The following POLR3A variants were observed in gnomAD, a reference collection of about 807,000 sequenced individuals.
The protein encoded by POLR3A is RNA polymerase III subunit A, also known as DNA-directed RNA polymerase III subunit RPC1.
POLR3A carries 112 observed loss-of-function variants against 152.8 expected under a neutral mutation model. That is an observed-to-expected ratio of 0.73 (90% confidence interval 0.63 to 0.86). POLR3A has a LOEUF of 0.86. Ranked by LOEUF, POLR3A falls within the 40% of genes least tolerant of loss-of-function variation. The pLI is 0.00. For synonymous variants in POLR3A, 615 were observed against 652.1 expected, an observed-to-expected ratio of 0.94 and a Z score of 0.87; for missense variants, 1,385 against 1,743.1, an observed-to-expected ratio of 0.79 and a Z score of 3.66.
At chr10:78,001,658 G>T (rs537658679) in intron 17 of POLR3A, among the ~76,000 whole-genome samples, 1 of 152,244 alleles carries the variant, frequency 6.6e-6, no homozygotes, top group East Asian at 1.9e-4. Context: ...CAAAATAGAA[G>T]AATTATGCCA....
At chr10:77,980,915 C>G (rs1400844512) in intron 29 of POLR3A, among the ~76,000 whole-genome samples, 1 of 152,056 alleles carries the variant, frequency 6.6e-6, no homozygotes, top group Non-Finnish European at 1.5e-5. Context: ...CTTATGAAAA[C>G]CTGCTGCCCT....
chr10:78,009,846 C>T lies in POLR3A; in HGVS notation c.1770+18G>A. On this transcript the variant is annotated intron_variant, in intron 13 of 30. Coordinates refer to ENST00000372371, the MANE Select transcript of POLR3A (RefSeq NM_007055.4). Reference sequence around the variant, plus strand: ...ACATACACACACCTGTGCACCAACACACAACTCCCACACACACCTTTAGGA... The same window carrying T: ...ACATACACACACCTGTGCACCAACATACAACTCCCACACACACCTTTAGGA... 1 of 1,613,920 alleles carries T rather than the reference C, an allele frequency of 6.2e-7. No homozygotes were observed.
Position 78,012,376 on chromosome 10 carries a change from C to CA in POLR3A, c.1572+1273dup, listed in dbSNP as rs1222192948. ...TAAAACTCCGTCTCAAACAAACAAA[C>CA]AAAAAAAAAAAGAAAAAGAAAAAGA... On this transcript the variant is annotated intron_variant, in intron 11 of 30. Transcript: ENST00000372371. Among the ~76,000 whole-genome samples, 596 of 116,272 alleles carry CA rather than the reference C, an allele frequency of 5.1e-3. 4 individuals carry two copies. The highest frequency in any genetic ancestry group is 0.013 in the African/African-American group (417 of 31,496). The allele number at this position is 116,272 out of a possible 152,430, so 76.3% of individuals were successfully genotyped here.
At chr10:77,979,577 CATGGTGCAGAGCAAGGCT>C (rs1320731056) in intron 30 of POLR3A, among the ~76,000 whole-genome samples, 1 of 152,200 alleles carries the variant, frequency 6.6e-6, no homozygotes, top group Non-Finnish European at 1.5e-5. Context: ...GGGGATGAGG[CATGGTGCAGAGCAAGGCT>C]CTGCTGGTGG....
At chr10:78,001,646 T>A (rs1331038837) in intron 17 of POLR3A, among the ~76,000 whole-genome samples, 1 of 152,212 alleles carries the variant, frequency 6.6e-6, no homozygotes, top group Non-Finnish European at 1.5e-5. Flanking sequence ...CCTCGGTATC[T>A]ACAAAATAGA....
chr10:77,988,319 G>A (rs560422534), intron 21 of POLR3A, among the ~76,000 whole-genome samples: 25 of 152,056 alleles, frequency 1.6e-4, no homozygotes, highest in African/African-American at 5.8e-4. Context: ...GTCAGGAGTT[G>A]GAGACCAGCC....
rs1054011861 is a variant in POLR3A, at chr10:77,975,947, T to C, written c.*1531A>G. ...GTTCATTAACAAACTTAATCCTTTG[T>C]CCTAAACCAGGCTCTAGCTCAATTC... is the stretch of plus-strand genomic sequence containing the variant. On this transcript the variant is annotated 3_prime_UTR_variant, in exon 31 of 31. Coordinates refer to ENST00000372371, the MANE Select transcript of POLR3A (RefSeq NM_007055.4). 3 of 151,908 alleles carry C rather than the reference T, an allele frequency of 2.0e-5. 1 individual carries two copies. Among genetic ancestry groups the C allele is most frequent in the African/African-American group, 7.3e-5 (3 of 41,338 alleles). 9.4% of individuals were successfully genotyped at this position (151,908 alleles called of 1,614,324 possible). A position where few individuals can be genotyped will look rare whatever the true frequency, so the allele number is the denominator to read the frequency against.
At position 78,002,269 on chromosome 10, in the gene POLR3A, C is replaced by T. The variant is rs755825816; in HGVS notation, c.2287G>A (p.Ala763Thr). ...LKELSVIRDH[A>T]GSACLRELDK... The stretch of plus-strand genomic sequence containing the variant: ...AGCTCCCGGAGGCAGGCACTGCCAG[C>T]GTGGTCACGGATCACAGACAGCTCC... The change falls in exon 17 of 31, where the codon GCT (alanine) becomes ACT (threonine). Residue 763 changes from alanine to threonine, a missense_variant. Physicochemically the swap from Ala to Thr is moderately conservative, Grantham distance 58. Around this residue, in one of 7 missense-constraint regions of POLR3A, gnomAD observed 170 missense variants for 231.2 expected, o/e 0.74. Coordinates refer to ENST00000372371, the MANE Select transcript of POLR3A (RefSeq NM_007055.4). 11 of 1,605,676 alleles carry T rather than the reference C, an allele frequency of 6.9e-6. No individual in the cohort carries two copies. Among genetic ancestry groups the T allele is most frequent in the Middle Eastern group, 1.7e-4 (1 of 6,056 alleles).
intron 9 of POLR3A, 114 bp from the exon 10 acceptor site, chr10:78,017,830 C>T (rs1356950709): frequency 8.3e-7 from 1 of 1,205,402 alleles, no homozygotes; most frequent in Non-Finnish European, 1.2e-6. Flanking sequence ...TCTAAGATGC[C>T]TCCATTTTAA....
At chr10:77,995,480 T>C (rs1249882025) in intron 19 of POLR3A, among the ~76,000 whole-genome samples, 5 of 151,432 alleles carry the variant, frequency 3.3e-5, no homozygotes, top group Non-Finnish European at 7.4e-5. Context: ...ACTAAGCAAA[T>C]GGAAAACAAA....
chr10:78,028,165 C>G (rs1847655534), intron 1 of POLR3A, among the ~76,000 whole-genome samples: 1 of 152,244 alleles, frequency 6.6e-6, no homozygotes, highest in Non-Finnish European at 1.5e-5. Context: ...GAACTCTTAT[C>G]AAGATACTCT....
chr10:78,025,689 C>T lies in POLR3A; in HGVS notation c.251G>A (p.Gly84Glu). 1 of 1,613,846 alleles carries T rather than the reference C, an allele frequency of 6.2e-7. No individual in the cohort carries two copies. Among genetic ancestry groups the T allele is most frequent in the Non-Finnish European group, 8.5e-7 (1 of 1,179,782 alleles). Reference protein sequence around the residue: ...KNLADCLGHYGYIDLELPCFH... With the variant: ...KNLADCLGHYEYIDLELPCFH... ...ACACGGCAACTCCAGGTCGATATACCCATAGTGGCCTAGACAGTCAGCCAA... is the reference window on the plus strand; with the variant it reads ...ACACGGCAACTCCAGGTCGATATACTCATAGTGGCCTAGACAGTCAGCCAA... The change falls in exon 3 of 31, where the codon GGG (glycine) becomes GAG (glutamate). Residue 84 changes from glycine to glutamate, a missense_variant. Coordinates refer to ENST00000372371, the MANE Select transcript of POLR3A (RefSeq NM_007055.4).
chr10:78,025,644 C>T lies in POLR3A; in HGVS notation c.296G>A (p.Arg99Lys). 6.2e-7 allele frequency: 1 copy of T among 1,614,184 alleles called. No homozygotes were observed. ...ELPCFHVGYF[R>K]AVIGILQMIC... Reference sequence around the variant, plus strand: ...TACCTGTAAGATGCCTATGACTGCTCTGAAGTACCCTACATGAAAACACGG... The same window carrying T: ...TACCTGTAAGATGCCTATGACTGCTTTGAAGTACCCTACATGAAAACACGG... The change falls in exon 3 of 31, where the codon AGA becomes AAA. Residue 99 changes from arginine (R) to lysine (K), a missense_variant. Arg to Lys is a conservative substitution (Grantham distance 26). Around this residue, in one of 7 missense-constraint regions of POLR3A, gnomAD observed 493 missense variants for 647.5 expected, o/e 0.76. Coordinates refer to ENST00000372371, the MANE Select transcript of POLR3A (RefSeq NM_007055.4).
At chr10:77,988,376 G>A (rs1056304703) in intron 21 of POLR3A, among the ~76,000 whole-genome samples, 11 of 152,058 alleles carry the variant, frequency 7.2e-5, no homozygotes, top group Admixed American at 6.6e-4. Context: ...ACAAAAATTA[G>A]CTGGGCATGG....
rs754226210 is a variant in POLR3A at position 77,982,744 on chromosome 10, T to C, written c.3503A>G (p.His1168Arg). The change falls in exon 27 of 31, where the codon CAT (histidine) becomes CGT (arginine). Residue 1168 changes from histidine (H) to arginine (R), a missense_variant. By Grantham distance (29) the His-to-Arg change is conservative. This residue lies in a region of POLR3A where 332 missense variants were observed against 400.1 expected (regional missense o/e 0.83). Coordinates refer to ENST00000372371, the MANE Select transcript of POLR3A (RefSeq NM_007055.4). ...GGTGACACACACCACAGCCTCACCA[T>C]GAACAGCCACATCACCGGGCTTCAC... The part of the protein sequence containing the change: ...LRVKPGDVAV[H>R]GEAVVCVTPR... The C allele has an allele frequency of 1.4e-5, 22 of 1,613,816 alleles. No individual in the cohort carries two copies. The South Asian group carries it at 2.0e-4, about 14-fold the overall frequency.
At chr10:78,013,921 T>A (rs1452915964) in intron 10 of POLR3A, 131 bp from the exon 11 acceptor site, 5 of 1,039,650 alleles carry the variant, frequency 4.8e-6, no homozygotes, top group African/African-American at 1.6e-5. Flanking sequence ...ATTTCCAGTA[T>A]GTTCTGTCAA....
chr10:78,011,885 T>C (rs1847470013), intron 11 of POLR3A, among the ~76,000 whole-genome samples: 1 of 152,176 alleles, frequency 6.6e-6, no homozygotes. Flanking sequence ...CTTGGAGACT[T>C]TGTTTTATTA....
In POLR3A at chr10:77,986,171, C is replaced by T; in HGVS notation, c.2902-12G>A. The T allele has an allele frequency of 8.3e-7, 1 of 1,209,638 alleles. No individual in the cohort carries two copies. The highest frequency in any genetic ancestry group is 1.9e-4 in the Middle Eastern group (1 of 5,278). 74.9% of individuals were successfully genotyped at this position (1,209,638 alleles called of 1,614,324 possible). A position where few individuals can be genotyped will look rare whatever the true frequency, so the allele number is the denominator to read the frequency against. ...AATTTTTTTATTTCCTGAAAGATTACACAGCAAACATCATTTGTAAGTTTC... is the reference window on the plus strand; with the variant it reads ...AATTTTTTTATTTCCTGAAAGATTATACAGCAAACATCATTTGTAAGTTTC... On this transcript the variant is annotated splice_polypyrimidine_tract_variant and intron_variant, in intron 21 of 30. Coordinates refer to ENST00000372371, the MANE Select transcript of POLR3A (RefSeq NM_007055.4).
Position 78,026,140 on chromosome 10 carries a change from T to A in POLR3A, c.134A>T (p.Asp45Val), listed in dbSNP as rs1440476201. The A allele has an allele frequency of 6.2e-7, 1 of 1,614,114 alleles. No homozygotes were observed. Among genetic ancestry groups the A allele is most frequent in the African/African-American group, 1.3e-5 (1 of 74,928 alleles). The change falls in exon 2 of 31, where the codon GAC (aspartate) becomes GTC (valine). Residue 45 changes from aspartate to valine, a missense_variant. Physicochemically the swap from Asp to Val is radical, Grantham distance 152 (BLOSUM62 -3). This residue lies in a region of POLR3A where 493 missense variants were observed against 647.5 expected (regional missense o/e 0.76). Transcript: ENST00000372371. ...QVVSKNLYSQ[D>V]NQHAPLLYGV... ...ATATAGCAAGGGGGCATGTTGGTTG[T>A]CCTGGCTGTACAGGTTCTTACTCAC...
Sources: allele counts gnomAD v4.1 joint callset (sites outside exome capture counted in the v4.1 genomes callset), GRCh38; gene constraint gnomAD v4.1.1; regional missense constraint gnomAD v4.1.1; transcripts MANE v1.5; gene names NCBI Gene and HGNC (gene_info 2026-07-23, HGNC 2026-07-21).